Variants in DNM2 observed in about 807,000 individuals in gnomAD.
DNM2 encodes the protein dynamin-2.
In DNM2, 15 loss-of-function variants were observed where a neutral mutation model predicts 99.0. The observed-to-expected ratio is 0.15, with a 90% CI of 0.10 to 0.23. The LOEUF is 0.23. Among genes scored for constraint, DNM2 ranks in the 10% least tolerant of loss-of-function variants. The pLI is 1.00. For synonymous variants in DNM2, 525 were observed against 481.2 expected (o/e 1.09, Z -1.19); for missense variants, 742 against 1,189.4 (o/e 0.62, Z 5.53).
At position 10,817,252 on chromosome 19, in the gene DNM2, C is replaced by T. The variant is rs929291533; in HGVS notation, c.1672-2728C>T. Among the ~76,000 whole-genome samples, 1 of 152,186 alleles carries T rather than the reference C, an allele frequency of 6.6e-6. No homozygotes were observed. Among genetic ancestry groups the T allele is most frequent in the Non-Finnish European group, 1.5e-5 (1 of 68,012 alleles). On this transcript the variant is annotated intron_variant, in intron 15 of 20. Transcript: ENST00000389253. The surrounding 1 kb of genome is among the most constrained non-coding windows in gnomAD (Gnocchi z 4.6). ...ACTGATAGGGCCAGGGCCTCCAACC[C>T]CTCGGCCGGCCTCGGGGCTCCCTCT...
chr19:10,815,075 G>C (rs575405339), intron 15 of DNM2, among the ~76,000 whole-genome samples: 10 of 152,328 alleles, frequency 6.6e-5, no homozygotes, highest in East Asian at 1.9e-4. Context: ...CAAAATGAAG[G>C]CTCTTAAAGA....
At chr19:10,813,133 C>G (rs1056035885) in intron 15 of DNM2, among the ~76,000 whole-genome samples, 3 of 152,236 alleles carry the variant, frequency 2.0e-5, no homozygotes, top group Non-Finnish European at 2.9e-5. Flanking sequence ...AGGATGGTCC[C>G]TGCCCACTGT....
intron 1 of DNM2, among the ~76,000 whole-genome samples, chr19:10,726,576 G>A (rs1439944893): frequency 6.6e-6 from 1 of 152,174 alleles, no homozygotes; most frequent in Non-Finnish European, 1.5e-5. Context: ...AATTGGCCGT[G>A]AGAGTTATTT....
In DNM2 at chr19:10,829,421, G is replaced by A. The variant is rs113951641; in HGVS notation, c.2291+153G>A. Reference sequence around the variant, plus strand: ...TGGGAGCTGCTGCCCTGCTGAGGCCGGAGGAGGGAGAGAAGGGGTATGGGG... The same window carrying A: ...TGGGAGCTGCTGCCCTGCTGAGGCCAGAGGAGGGAGAGAAGGGGTATGGGG... On this transcript the variant is annotated intron_variant, in intron 19 of 20. Transcript: ENST00000389253. Among the ~76,000 whole-genome samples, 1,540 of 152,304 alleles carry A rather than the reference G, an allele frequency of 0.01. 13 individuals carry two copies. Among genetic ancestry groups the A allele is most frequent in the Middle Eastern group, 0.02 (6 of 294 alleles).
chr19:10,802,061 C>T (rs1019432965), intron 11 of DNM2, among the ~76,000 whole-genome samples: 14 of 152,170 alleles, frequency 9.2e-5, no homozygotes, highest in Non-Finnish European at 1.5e-4. Flanking sequence ...TTGGGGACAG[C>T]GGCCCTGCCT....
chr19:10,756,251 C>T (rs1454234067), intron 1 of DNM2, among the ~76,000 whole-genome samples: 3 of 152,114 alleles, frequency 2.0e-5, no homozygotes, highest in Non-Finnish European at 4.4e-5. Flanking sequence ...AGCTTGTTCC[C>T]TCAGTCCCCC....
intron 3 of DNM2, among the ~76,000 whole-genome samples, chr19:10,773,743 C>T (rs913766064): frequency 3.3e-5 from 5 of 151,812 alleles, no homozygotes; most frequent in Admixed American, 2.0e-4. Context: ...GCTAGGATTA[C>T]AGGCGTGAGC....
chr19:10,759,759 A>G lies in DNM2; in HGVS notation c.183A>G (p.Ser61=), dbSNP rs149555942. 2.5e-5 allele frequency: 40 copies of G among 1,614,020 alleles called. No individual in the cohort carries two copies. Among genetic ancestry groups the G allele is most frequent in the Non-Finnish European group, 3.4e-5 (40 of 1,180,032 alleles). Residue 61 remains serine (S), a synonymous_variant, in exon 2 of 21, where the codon TCA becomes TCG. Coordinates refer to ENST00000389253, the MANE Select transcript of DNM2 (RefSeq NM_001005361.3). ...FVGRDFLPRG[S]GIVTRRPLIL... is the part of the protein sequence containing the mutation. ...ACAGGGACTTCCTTCCCCGCGGTTC[A>G]GGAATCGTCACCCGGCGGCCTCTCA...
chr19:10,766,346 G>C (rs1029818406), intron 2 of DNM2, among the ~76,000 whole-genome samples: 3 of 152,120 alleles, frequency 2.0e-5, no homozygotes, highest in Non-Finnish European at 4.4e-5. Flanking sequence ...AGGAGGCTCC[G>C]AAGACCTCCA....
Position 10,795,521 on chromosome 19 carries a change from G to C in DNM2, c.1196+82G>C, listed in dbSNP as rs2071900751. 6.6e-7 allele frequency: 1 copy of C among 1,518,324 alleles called. No homozygotes were observed. Among genetic ancestry groups the C allele is most frequent in the Admixed American group, 1.7e-5 (1 of 59,748 alleles). 94.1% of individuals were successfully genotyped at this position (1,518,324 alleles called of 1,614,324 possible). ...AGCTAATTGGGTCACCCACACCTCT[G>C]AGTCCCTAATCGTTAGGCCTTAAGA... On this transcript the variant is annotated intron_variant, in intron 9 of 20. Transcript: ENST00000389253. This position sits in a 1 kb window ranked among gnomAD's most constrained non-coding sequence, Gnocchi z 4.2.
At position 10,830,030 on chromosome 19, in the gene DNM2, T is replaced by C. The variant is rs1568324774; in HGVS notation, c.2292-97T>C. 6.4e-6 allele frequency: 10 copies of C among 1,557,402 alleles called. No individual in the cohort carries two copies. The highest frequency in any genetic ancestry group is 1.4e-5 in the African/African-American group (1 of 73,716). Reference sequence around the variant, plus strand: ...TCCCACTGCGCCTGCGCTGTCCCCATAGCCAGCCCCCACCTCAGGTTCTGG... The same window carrying C: ...TCCCACTGCGCCTGCGCTGTCCCCACAGCCAGCCCCCACCTCAGGTTCTGG... On this transcript the variant is annotated intron_variant, in intron 19 of 20. Transcript: ENST00000389253. The surrounding 1 kb of genome is among the most constrained non-coding windows in gnomAD (Gnocchi z 4.8).
intron 13 of DNM2, among the ~76,000 whole-genome samples, chr19:10,806,196 G>C (rs1030264651): frequency 1.2e-3 from 183 of 152,282 alleles, no homozygotes; most frequent in African/African-American, 4.3e-3. Flanking sequence ...CACCCAGAAG[G>C]CCCTATGTGC....
rs200155565 is a variant in DNM2, at chr19:10,829,230, T to C, written c.2253T>C (p.Pro751=). The change falls in exon 19 of 21, where the codon CCT becomes CCC. Residue 751 remains proline, a synonymous_variant. Coordinates refer to ENST00000389253, the MANE Select transcript of DNM2 (RefSeq NM_001005361.3). ...TSTVSTPVPP[P]VDDTWLQSAS... is the part of the protein sequence containing the mutation. Reference sequence around the variant, plus strand: ...CTGTGTCCACGCCTGTACCCCCGCCTGTCGATGACACCTGGCTCCAGAGCG... The same window carrying C: ...CTGTGTCCACGCCTGTACCCCCGCCCGTCGATGACACCTGGCTCCAGAGCG... 6.3e-5 allele frequency: 102 copies of C among 1,613,854 alleles called. No homozygotes were observed. The highest frequency in any genetic ancestry group is 8.5e-5 in the Non-Finnish European group (100 of 1,180,044).
intron 3 of DNM2, among the ~76,000 whole-genome samples, chr19:10,773,167 A>C (rs1338546345): frequency 1.1e-5 from 1 of 94,884 alleles, no homozygotes; most frequent in African/African-American, 4.2e-5. Flanking sequence ...TTTTTTTTTG[A>C]GATGGAGTCT....
intron 18 of DNM2, among the ~76,000 whole-genome samples, chr19:10,826,166 G>A (rs556969475): frequency 2.6e-5 from 4 of 152,314 alleles, no homozygotes; most frequent in Admixed American, 1.3e-4. Flanking sequence ...TCCACTAACT[G>A]GAGTGAACAC....
At chr19:10,725,887 G>A (rs1352737442) in intron 1 of DNM2, among the ~76,000 whole-genome samples, 1 of 151,962 alleles carries the variant, frequency 6.6e-6, no homozygotes, top group Non-Finnish European at 1.5e-5. Flanking sequence ...CTGAGTAGCT[G>A]GGACTATAGG....
intron 11 of DNM2, among the ~76,000 whole-genome samples, chr19:10,799,301 A>G (rs1468418297): frequency 6.6e-6 from 1 of 152,120 alleles, no homozygotes; most frequent in African/African-American, 2.4e-5. Flanking sequence ...CAGTCCTTCA[A>G]GTGGACTCCC....
chr19:10,803,970 G>T (rs1337901018), intron 12 of DNM2, among the ~76,000 whole-genome samples: 1 of 152,180 alleles, frequency 6.6e-6, no homozygotes, highest in East Asian at 1.9e-4. Flanking sequence ...TGGGAATGTG[G>T]CCTGGAGAGA....
rs1027179364 is a variant in DNM2, at chr19:10,818,544, G to A, written c.1672-1436G>A. Among the ~76,000 whole-genome samples, 1 of 152,194 alleles carries A rather than the reference G, an allele frequency of 6.6e-6. No individual in the cohort carries two copies. The highest frequency in any genetic ancestry group is 1.9e-4 in the East Asian group (1 of 5,182). The stretch of plus-strand genomic sequence containing the variant: ...ACCTCAACCATGCTGAGCTCCTAAC[G>A]CCCTGAGGCTGAGCCCATGTGCCAA... On this transcript the variant is annotated intron_variant, in intron 15 of 20. Transcript: ENST00000389253. The surrounding 1 kb of genome is among the most constrained non-coding windows in gnomAD (Gnocchi z 4.3).
Sources: gnomAD v4.1 joint callset for allele counts (sites outside exome capture counted in the v4.1 genomes callset) on GRCh38, gnomAD v4.1.1 for gene constraint, Gnocchi (gnomAD v3.1) non-coding constraint, MANE v1.5 for transcripts, NCBI Gene and HGNC (gene_info 2026-07-23, HGNC 2026-07-21) for gene names.